Variants in LCTL observed in about 807,000 individuals in gnomAD.
LCTL encodes lactase like, also known as lactase-like protein.
LCTL carries 76 observed loss-of-function variants against 75.8 expected under a neutral mutation model. That is an observed-to-expected ratio of 1.00 (90% CI 0.83 to 1.21). LCTL has a LOEUF of 1.21. Among genes scored for constraint, LCTL ranks in the 50% most tolerant of loss-of-function variants. The pLI is 0.00. For missense variants in LCTL, 670 were observed against 712.4 expected (o/e 0.94, Z 0.68); for synonymous variants, 271 against 268.8 (o/e 1.01, Z -0.08).
chr15:66,561,165 C>CA, intron 5 of LCTL, 22 bp downstream of exon 6: 1 of 1,614,164 alleles, frequency 6.2e-7, no homozygotes, highest in South Asian at 1.1e-5. Flanking sequence ...CACATTCTCC[C>CA]ACCTGGAGGG....
intron 8 of LCTL, among the ~76,000 whole-genome samples, chr15:66,556,255 C>T (rs1895735871): frequency 6.6e-6 from 1 of 152,108 alleles, no homozygotes; most frequent in African/African-American, 2.4e-5. Context: ...ACCTAAGTGT[C>T]TATTGATGGA....
At chr15:66,564,205 G>A (rs1270314975) in intron 2 of LCTL, 1 of 587,024 alleles carries the variant, frequency 1.7e-6, no homozygotes, top group Admixed American at 3.0e-5. Context: ...ACGCAGGACA[G>A]GGAGGCACTG....
intron 12 of LCTL, chr15:66,549,056 G>C (rs1314699524): frequency 6.5e-6 from 1 of 152,782 alleles, no homozygotes; most frequent in Non-Finnish European, 1.5e-5. Context: ...GGTAGTTCTT[G>C]TATAGTTAAA....
At chr15:66,554,063 G>T (rs1895683616) in intron 8 of LCTL, among the ~76,000 whole-genome samples, 1 of 151,872 alleles carries the variant, frequency 6.6e-6, no homozygotes, top group South Asian at 2.1e-4. Context: ...AGGCCGAGGG[G>T]GGCAGATCAC....
At chr15:66,559,791 TAAA>T (rs1895838622) in intron 6 of LCTL, among the ~76,000 whole-genome samples, 1 of 152,112 alleles carries the variant, frequency 6.6e-6, no homozygotes, top group Non-Finnish European at 1.5e-5. Context: ...TGTTTAATAT[TAAA>T]AATATCTTGA....
chr15:66,561,293 C>G, exon 5 of LCTL: 1 of 1,614,208 alleles, frequency 6.2e-7, no homozygotes, highest in African/African-American at 1.3e-5. Flanking sequence ...ATTCTGCCAC[C>G]CACCGTATTT....
chr15:66,558,108 T>C, intron 6 of LCTL, 72 bp from the exon 8 acceptor site: 1 of 1,325,606 alleles, frequency 7.5e-7, no homozygotes, highest in Non-Finnish European at 1.0e-6. Flanking sequence ...TGAGTGGCCT[T>C]TCTTTGCTTC....
At chr15:66,560,963 G>A (rs534676638) in intron 6 of LCTL, 43 bp downstream of exon 7, 2 of 1,584,106 alleles carry the variant, frequency 1.3e-6, no homozygotes, top group East Asian at 2.2e-5. Context: ...GGCAGGCTGA[G>A]CTGACCCTGA....
intron 6 of LCTL, among the ~76,000 whole-genome samples, chr15:66,559,966 A>G (rs1156517890): frequency 6.6e-6 from 1 of 151,988 alleles, no homozygotes; most frequent in Non-Finnish European, 1.5e-5. Flanking sequence ...GCACGCCTGT[A>G]GTCCCAGCTA....
chr15:66,563,076 C>T (rs1430677689), intron 4 of LCTL, among the ~76,000 whole-genome samples: 1 of 152,154 alleles, frequency 6.6e-6, no homozygotes, highest in African/African-American at 2.4e-5. Context: ...GAAACTGTAT[C>T]CCCTGTGTAA....
rs1489740132 is a variant in LCTL at position 66,557,719 on chromosome 15, C to T, written c.922+3G>A. 1.2e-6 allele frequency: 2 copies of T among 1,613,230 alleles called. No individual in the cohort carries two copies. Among genetic ancestry groups the T allele is most frequent in the African/African-American group, 1.3e-5 (1 of 74,948 alleles). On this transcript the variant is annotated splice_donor_region_variant and intron_variant, in intron 8 of 12. Coordinates refer to ENST00000341509, the Ensembl canonical transcript of LCTL. Reference sequence around the variant, plus strand: ...CTGCAGTTTAAAATGAGACTGGGCTCACCAATGTAGTCCTTCATGACTTGG... The same window carrying T: ...CTGCAGTTTAAAATGAGACTGGGCTTACCAATGTAGTCCTTCATGACTTGG...
intron 8 of LCTL, among the ~76,000 whole-genome samples, chr15:66,555,894 A>G (rs1316244553): frequency 6.6e-6 from 1 of 152,254 alleles, no homozygotes; most frequent in African/African-American, 2.4e-5. Context: ...CTACAGATGT[A>G]TAAGCACATG....
intron 8 of LCTL, 41 bp downstream of exon 9, chr15:66,557,681 C>T (rs1330802763): frequency 6.3e-7 from 1 of 1,592,450 alleles, no homozygotes; most frequent in Non-Finnish European, 8.6e-7. Context: ...GGCTCAATAA[C>T]TTGCCCTAGT....
intron 1 of LCTL, 123 bp from the exon 3 acceptor site, chr15:66,564,962 T>A: frequency 3.4e-6 from 3 of 872,914 alleles, no homozygotes; most frequent in Non-Finnish European, 5.3e-6. Flanking sequence ...CCTGTCCCAC[T>A]GGGGACTTGT....
At position 66,553,255 on chromosome 15, in the gene LCTL, C is replaced by T. The variant is rs757466088; in HGVS notation, c.926G>A (p.Arg309Lys). Residue 309 changes from arginine (R) to lysine (K), a missense_variant, in exon 9 of 13, where the codon AGA becomes AAA. Coordinates refer to ENST00000341509, the Ensembl canonical transcript of LCTL. ...CTCCAGGCCTTGCTCTGCACTCTTT[C>T]TTCCTTTTGAGAGAGAAAAGTAGAA... 9.7e-6 allele frequency: 15 copies of T among 1,549,432 alleles called. No individual in the cohort carries two copies. The highest frequency in any genetic ancestry group is 1.3e-5 in the Non-Finnish European group (15 of 1,150,490).
chr15:66,562,767 A>G (rs1413116199), intron 4 of LCTL, among the ~76,000 whole-genome samples: 1 of 152,082 alleles, frequency 6.6e-6, no homozygotes, highest in Admixed American at 6.5e-5. Context: ...TATTTTTCGT[A>G]GAGACTGTGT....
At chr15:66,550,044 C>T (rs1219170138) in exon 12 of LCTL, 1 of 1,598,752 alleles carries the variant, frequency 6.3e-7, no homozygotes, top group Non-Finnish European at 8.5e-7. Context: ...GACTCACCTG[C>T]AGCAAGCATC....
chr15:66,556,835 G>A (rs1895752113), intron 8 of LCTL, among the ~76,000 whole-genome samples: 1 of 152,096 alleles, frequency 6.6e-6, no homozygotes, highest in Non-Finnish European at 1.5e-5. Context: ...GGAGATGGAT[G>A]GTGGTGATGG....
intron 12 of LCTL, chr15:66,549,189 A>G (rs1296354819): frequency 6.6e-6 from 1 of 152,234 alleles, no homozygotes; most frequent in African/African-American, 2.4e-5. Flanking sequence ...TGAGATAAAT[A>G]AGGCACTGGA....
Sources: allele counts gnomAD v4.1 joint callset (sites outside exome capture counted in the v4.1 genomes callset), GRCh38; gene constraint gnomAD v4.1.1; transcripts MANE v1.5; gene names NCBI Gene and HGNC (gene_info 2026-07-23, HGNC 2026-07-21).